The following EXOC4 variants were observed in gnomAD, a reference collection of about 807,000 sequenced individuals.
The protein encoded by EXOC4 is SEC8-like 1.
EXOC4 carries 71 observed loss-of-function variants against 107.2 expected under a neutral mutation model. The ratio of observed to expected loss-of-function variants is 0.66; its 90% CI spans 0.55 to 0.81. The LOEUF is 0.81. Ranked by LOEUF, EXOC4 falls within the 30% of genes least tolerant of loss-of-function variation. EXOC4 has a pLI of 0.00. For synonymous variants in EXOC4, 456 were observed against 441.2 expected, an observed-to-expected ratio of 1.03 and a Z score of -0.42; for missense variants, 1,108 against 1,189.6, an observed-to-expected ratio of 0.93 and a Z score of 1.01.
intron 12 of EXOC4, among the ~76,000 whole-genome samples, chr7:133,903,483 T>C (rs1799500907): frequency 6.6e-6 from 1 of 152,086 alleles, no homozygotes; most frequent in South Asian, 2.1e-4. Context: ...CCCTGCCAGA[T>C]TGAAGATAGG....
intron 13 of EXOC4, among the ~76,000 whole-genome samples, chr7:133,927,303 A>G (rs1407575972): frequency 6.6e-6 from 1 of 152,184 alleles, no homozygotes; most frequent in Non-Finnish European, 1.5e-5. Context: ...ATACCTCTTC[A>G]ATTTTTTCAT....
Position 133,664,890 on chromosome 7 carries a change from A to G in EXOC4, c.1514+34749A>G, listed in dbSNP as rs79315545. Reference sequence around the variant, plus strand: ...TCTCATCCAAAGATGCAAAGAAACAATCTGCTGGCCCAGGTCATTTTCATG... The same window carrying G: ...TCTCATCCAAAGATGCAAAGAAACAGTCTGCTGGCCCAGGTCATTTTCATG... On this transcript the variant is annotated intron_variant, in intron 10 of 17. Coordinates refer to ENST00000253861, the MANE Select transcript of EXOC4 (RefSeq NM_021807.4). Among the ~76,000 whole-genome samples the G allele has an allele frequency of 3.0e-3, 457 of 152,224 alleles. 3 individuals carry two copies. The highest frequency in any genetic ancestry group is 9.7e-3 in the African/African-American group (401 of 41,538).
the EXOC4 span, among the ~76,000 whole-genome samples, chr7:134,092,511 CT>C: frequency 0.075 from 11,453 of 152,188 alleles, 571 homozygotes; most frequent in South Asian, 0.11. Context: ...ATAATATCTA[CT>C]CAGCAGAAAC....
rs1191097880 is a variant in EXOC4 at position 133,452,217 on chromosome 7, G to C, written c.1183-23111G>C. On this transcript the variant is annotated intron_variant, in intron 7 of 17. Coordinates refer to ENST00000253861, the MANE Select transcript of EXOC4 (RefSeq NM_021807.4). The stretch of plus-strand genomic sequence containing the variant: ...GGGAAGAGGAATACAGCTTAGATTA[G>C]AAATGGTCCCTACAGCAGCATTATT... 2.6e-5 allele frequency among the ~76,000 whole-genome samples: 4 copies of C among 152,066 alleles called. No homozygotes were observed. In the East Asian group the frequency reaches 7.7e-4, roughly 29 times the overall value.
At chr7:133,404,532 C>G (rs913685597) in intron 7 of EXOC4, among the ~76,000 whole-genome samples, 1 of 152,092 alleles carries the variant, frequency 6.6e-6, no homozygotes, top group Non-Finnish European at 1.5e-5. Flanking sequence ...TTTCTTGCCT[C>G]CAATCTTTTG....
intron 6 of EXOC4, among the ~76,000 whole-genome samples, chr7:133,374,279 G>A (rs1209617874): frequency 6.6e-6 from 1 of 151,998 alleles, no homozygotes; most frequent in Non-Finnish European, 1.5e-5. Context: ...GCTTCTCCCT[G>A]TGGTGAAAGT....
At chr7:133,827,919 A>T (rs953206641) in intron 11 of EXOC4, among the ~76,000 whole-genome samples, 6 of 152,204 alleles carry the variant, frequency 3.9e-5, no homozygotes, top group Non-Finnish European at 1.5e-5. Flanking sequence ...TGACATCAAT[A>T]TAGGGATAAC....
intron 14 of EXOC4, among the ~76,000 whole-genome samples, chr7:133,952,455 A>G (rs529392239): frequency 6.6e-6 from 1 of 152,320 alleles, no homozygotes; most frequent in South Asian, 2.1e-4. Context: ...CAGTTCTGCT[A>G]GGATCTTAGG....
intron 9 of EXOC4, among the ~76,000 whole-genome samples, chr7:133,606,985 CCTAGCTGTAGATCCTTTTT>C (rs1367895293): frequency 1.3e-5 from 2 of 152,080 alleles, no homozygotes; most frequent in Non-Finnish European, 2.9e-5. Context: ...TAGGATTGTC[CCTAGCTGTAGATCCTTTTT>C]CTAGCTGTAG....
intron 7 of EXOC4, among the ~76,000 whole-genome samples, chr7:133,442,724 C>T (rs992762712): frequency 1.3e-5 from 2 of 151,914 alleles, no homozygotes; most frequent in African/African-American, 4.8e-5. Flanking sequence ...TGGATTTTGA[C>T]CACAAGGAGA....
intron 14 of EXOC4, among the ~76,000 whole-genome samples, chr7:133,996,324 G>A (rs1794391921): frequency 6.6e-6 from 1 of 152,104 alleles, no homozygotes; most frequent in African/African-American, 2.4e-5. Context: ...GTAAATGTTG[G>A]AGCCAGGACT....
chr7:133,915,851 A>C (rs1217345800), intron 12 of EXOC4, among the ~76,000 whole-genome samples: 2 of 152,374 alleles, frequency 1.3e-5, no homozygotes, highest in Admixed American at 6.5e-5. Flanking sequence ...CATGGTTACT[A>C]TGAGAAAACA....
intron 12 of EXOC4, among the ~76,000 whole-genome samples, chr7:133,900,552 T>G (rs897868487): frequency 6.6e-6 from 1 of 152,188 alleles, no homozygotes; most frequent in African/African-American, 2.4e-5. Flanking sequence ...TGAGTGGGTG[T>G]TAAGCATGGA....
intron 10 of EXOC4, among the ~76,000 whole-genome samples, chr7:133,815,263 C>A (rs1271734156): frequency 6.6e-6 from 1 of 151,594 alleles, no homozygotes; most frequent in Non-Finnish European, 1.5e-5. Context: ...CACCTGTAAT[C>A]CCAGATACTA....
At chr7:134,081,965 C>T in the EXOC4 span, among the ~76,000 whole-genome samples, 1 of 152,286 alleles carries the variant, frequency 6.6e-6, no homozygotes, top group Non-Finnish European at 1.5e-5. Flanking sequence ...GTTCCAGACC[C>T]TACACCAAGC....
chr7:133,724,708 T>C (rs1795180333), intron 10 of EXOC4, among the ~76,000 whole-genome samples: 1 of 152,212 alleles, frequency 6.6e-6, no homozygotes, highest in Non-Finnish European at 1.5e-5. Flanking sequence ...AAGGGATCTC[T>C]GAAGGTGATA....
At chr7:133,795,557 T>C (rs1483245430) in intron 10 of EXOC4, among the ~76,000 whole-genome samples, 2 of 152,220 alleles carry the variant, frequency 1.3e-5, no homozygotes, top group African/African-American at 4.8e-5. Context: ...TACCCAGTTA[T>C]GAATAGCACA....
At chr7:133,537,101 C>T (rs141022216) in intron 9 of EXOC4, among the ~76,000 whole-genome samples, 45 of 152,196 alleles carry the variant, frequency 3.0e-4, no homozygotes, top group African/African-American at 1.1e-3. Context: ...ATATCCTTAG[C>T]CAAGGTTTCA....
At chr7:133,808,204 T>G (rs1378220351) in intron 10 of EXOC4, among the ~76,000 whole-genome samples, 1 of 152,190 alleles carries the variant, frequency 6.6e-6, no homozygotes, top group Non-Finnish European at 1.5e-5. Context: ...AAGGCACAGA[T>G]AGTAGTTACA....
Sources: gnomAD v4.1 joint callset for allele counts (sites outside exome capture counted in the v4.1 genomes callset) on GRCh38, gnomAD v4.1.1 for gene constraint, MANE v1.5 for transcripts, NCBI Gene and HGNC (gene_info 2026-07-23, HGNC 2026-07-21) for gene names.